The following UBR3 variants were observed in gnomAD, a reference collection of about 807,000 sequenced individuals.
The protein encoded by UBR3 is ubiquitin protein ligase E3 component n-recognin 3, also known as E3 ubiquitin-protein ligase UBR3.
Under a neutral mutation model 243.2 loss-of-function variants are expected in UBR3, and 85 were observed. The observed-to-expected ratio is 0.35, with a 90% CI of 0.29 to 0.42. UBR3 has a LOEUF of 0.42. Ranked by LOEUF, UBR3 falls within the 10% of genes least tolerant of loss-of-function variation. The pLI is 1.00. For synonymous variants in UBR3, 748 were observed against 799.8 expected, an observed-to-expected ratio of 0.94 and a Z score of 1.09; for missense variants, 1,686 against 2,300.8, an observed-to-expected ratio of 0.73 and a Z score of 5.47.
rs764709663 is a variant in UBR3, at chr2:169,950,017, C to G, written c.3497C>G (p.Pro1166Arg). ...AGAAAAGTGACCCCTCCTGTACCAC[C>G]TAAAAAAGTCACTGCAGCAGAGAAG... is the stretch of plus-strand genomic sequence containing the variant. ...ICRKVTPPVP[P>R]KKVTAAEKKT... Residue 1166 changes from proline to arginine, a missense_variant, in exon 23 of 39, where the codon CCT (proline) becomes CGT (arginine). Physicochemically the swap from Pro to Arg is moderately radical, Grantham distance 103 (BLOSUM62 -2). Coordinates refer to ENST00000272793, the MANE Select transcript of UBR3 (RefSeq NM_172070.4). The G allele has an allele frequency of 6.3e-7, 1 of 1,587,618 alleles. No individual in the cohort carries two copies. Among genetic ancestry groups the G allele is most frequent in the South Asian group, 1.2e-5 (1 of 86,142 alleles).
At position 169,828,059 on chromosome 2, in the gene UBR3, G is replaced by A; in HGVS notation, c.545+7G>A. 2.2e-6 allele frequency: 3 copies of A among 1,367,474 alleles called. No homozygotes were observed. Among genetic ancestry groups the A allele is most frequent in the Admixed American group, 6.7e-5 (2 of 29,906 alleles). 84.7% of individuals were successfully genotyped at this position (1,367,474 alleles called of 1,614,324 possible). A position where few individuals can be genotyped will look rare whatever the true frequency, so the allele number is the denominator to read the frequency against. ...ACGTGATGCGGGAGAGCGGGTGAGT[G>A]GAGCCCTCCCCGCGGGCGAGGCGAC... On this transcript the variant is annotated splice_region_variant and intron_variant, in intron 1 of 38. Transcript: ENST00000272793.
intron 10 of UBR3, among the ~76,000 whole-genome samples, chr2:169,910,703 T>G (rs2085219347): frequency 6.6e-6 from 1 of 152,160 alleles, no homozygotes; most frequent in South Asian, 2.1e-4. Context: ...CTAGGCACTT[T>G]TCATATATTC....
chr2:170,007,190 A>C lies in UBR3; in HGVS notation c.4230A>C (p.Pro1410=), dbSNP rs990433029. 3.1e-6 allele frequency: 5 copies of C among 1,587,888 alleles called. No individual in the cohort carries two copies. The highest frequency in any genetic ancestry group is 1.7e-4 in the Middle Eastern group (1 of 6,014). ...EELQGRPGAF[P]SETNLSKEME... is the part of the protein sequence containing the mutation. Reference sequence around the variant, plus strand: ...TGCAGGGACGACCGGGAGCTTTCCCAGTAAGCATCAGTGTAAGGCATAAAT... The same window carrying C: ...TGCAGGGACGACCGGGAGCTTTCCCCGTAAGCATCAGTGTAAGGCATAAAT... Residue 1410 remains proline, a splice_region_variant and synonymous_variant, in exon 28 of 39, where the codon CCA becomes CCC. Coordinates refer to ENST00000272793, the MANE Select transcript of UBR3 (RefSeq NM_172070.4).
intron 1 of UBR3, among the ~76,000 whole-genome samples, chr2:169,836,067 ATT>A (rs60845808): frequency 0.013 from 414 of 32,646 alleles, 19 homozygotes; most frequent in African/African-American, 0.035. Context: ...ATATATATAT[ATT>A]TTTTTTTTTT....
intron 17 of UBR3, among the ~76,000 whole-genome samples, 191 bp from the exon 18 acceptor site, chr2:169,928,536 A>G (rs532128860): frequency 2.6e-5 from 4 of 152,272 alleles, no homozygotes; most frequent in South Asian, 4.1e-4. Context: ...GATTAAACAT[A>G]TTTTCAAAAA....
At chr2:169,851,827 G>T (rs1393749289) in intron 1 of UBR3, among the ~76,000 whole-genome samples, 2 of 142,348 alleles carry the variant, frequency 1.4e-5, no homozygotes, top group Non-Finnish European at 1.5e-5. Flanking sequence ...ACAGAGCAAG[G>T]CTCCGTCTCA....
intron 1 of UBR3, among the ~76,000 whole-genome samples, chr2:169,843,115 A>T (rs59105848): frequency 0.054 from 8,279 of 152,228 alleles, 411 homozygotes; most frequent in African/African-American, 0.13. Context: ...CCCAGTTCAA[A>T]AGCCACTTCC....
intron 1 of UBR3, among the ~76,000 whole-genome samples, chr2:169,871,241 C>G (rs1474420528): frequency 6.6e-6 from 1 of 151,506 alleles, no homozygotes; most frequent in Non-Finnish European, 1.5e-5. Flanking sequence ...CGCTTGAGGC[C>G]AAGAGTTGTA....
chr2:169,913,115 T>G (rs1376296758), intron 10 of UBR3, among the ~76,000 whole-genome samples: 1 of 152,176 alleles, frequency 6.6e-6, no homozygotes, highest in African/African-American at 2.4e-5. Context: ...TGTACCATTT[T>G]ACAGTCTCAT....
In UBR3 at chr2:169,946,279, T is replaced by G; in HGVS notation, c.2806-9T>G. The G allele has an allele frequency of 6.9e-7, 1 of 1,445,136 alleles. No homozygotes were observed. Among genetic ancestry groups the G allele is most frequent in the Non-Finnish European group, 9.2e-7 (1 of 1,085,480 alleles). 89.5% of individuals were successfully genotyped at this position (1,445,136 alleles called of 1,614,324 possible). On this transcript the variant is annotated splice_polypyrimidine_tract_variant and intron_variant, in intron 20 of 38. Coordinates refer to ENST00000272793, the MANE Select transcript of UBR3 (RefSeq NM_172070.4). ...AGTAATTATGAGGCATTTTCTTCCC[T>G]TTTTAAAGATTTTGATGGATCATCA...
rs914411608 is a variant in UBR3 at position 169,827,753 on chromosome 2, T to G, written c.246T>G (p.Gly82=). ...CGGCGGCGGCCGGAGGCGGGGGCGG[T>G]CCGGGGGCGGCCGAGGAGGAGGCCC... ...EDAAAAGGGG[G]PGAAEEEALE... is the part of the protein sequence containing the mutation. Residue 82 remains glycine, a synonymous_variant, in exon 1 of 39, where the codon GGT becomes GGG. Coordinates refer to ENST00000272793, the MANE Select transcript of UBR3 (RefSeq NM_172070.4). 90 of 1,278,876 alleles carry G rather than the reference T, an allele frequency of 7.0e-5. No individual in the cohort carries two copies. Among genetic ancestry groups the G allele is most frequent in the Non-Finnish European group, 8.6e-5 (87 of 1,012,092 alleles). 79.2% of individuals were successfully genotyped at this position (1,278,876 alleles called of 1,614,324 possible). A position where few individuals can be genotyped will look rare whatever the true frequency, so the allele number is the denominator to read the frequency against.
intron 32 of UBR3, among the ~76,000 whole-genome samples, chr2:170,041,224 A>ACTT (rs748523770): frequency 6.6e-5 from 10 of 152,204 alleles, no homozygotes; most frequent in Non-Finnish European, 1.3e-4. Context: ...TATGATGGAT[A>ACTT]CTTTTTGTGG....
chr2:169,951,082 G>A (rs1421838985), intron 23 of UBR3, among the ~76,000 whole-genome samples: 2 of 152,070 alleles, frequency 1.3e-5, no homozygotes, highest in Non-Finnish European at 2.9e-5. Flanking sequence ...TATAGGGGAA[G>A]GGTACACATT....
At chr2:169,861,419 C>T (rs1297279657) in intron 1 of UBR3, among the ~76,000 whole-genome samples, 1 of 152,068 alleles carries the variant, frequency 6.6e-6, no homozygotes, top group African/African-American at 2.4e-5. Flanking sequence ...ACCAGCCTGG[C>T]CAACATGGTG....
intron 26 of UBR3, among the ~76,000 whole-genome samples, chr2:169,998,718 C>T (rs2089586476): frequency 6.6e-6 from 1 of 152,164 alleles, no homozygotes; most frequent in South Asian, 2.1e-4. Flanking sequence ...AGATTAAATG[C>T]ATGCATTTTA....
intron 8 of UBR3, among the ~76,000 whole-genome samples, chr2:169,898,859 G>A (rs1316039611): frequency 7.9e-5 from 12 of 151,156 alleles, no homozygotes; most frequent in South Asian, 2.1e-4. Flanking sequence ...CCACCACCAC[G>A]CCCAGCTAAT....
intron 23 of UBR3, among the ~76,000 whole-genome samples, chr2:169,953,121 C>G (rs2087113052): frequency 6.6e-6 from 1 of 152,140 alleles, no homozygotes; most frequent in African/African-American, 2.4e-5. Context: ...GCTGCTTTTA[C>G]AAAGGCCCTG....
chr2:169,990,515 T>C (rs1020758930), intron 25 of UBR3, among the ~76,000 whole-genome samples: 9 of 152,082 alleles, frequency 5.9e-5, no homozygotes, highest in Admixed American at 2.0e-4. Flanking sequence ...CGGAAAGAAC[T>C]GTATATCTAG....
chr2:170,004,629 G>A (rs1295560860), intron 27 of UBR3, among the ~76,000 whole-genome samples: 1 of 152,088 alleles, frequency 6.6e-6, no homozygotes, highest in African/African-American at 2.4e-5. Flanking sequence ...CCACTTTGGG[G>A]GCCAGGTACG....
Sources: gnomAD v4.1 joint callset for allele counts (sites outside exome capture counted in the v4.1 genomes callset) on GRCh38, gnomAD v4.1.1 for gene constraint, MANE v1.5 for transcripts, NCBI Gene and HGNC (gene_info 2026-07-23, HGNC 2026-07-21) for gene names.